The following RPS6KA2 variants were observed in gnomAD, a reference collection of about 807,000 sequenced individuals.
RPS6KA2 encodes the protein ribosomal protein S6 kinase alpha-2.
RPS6KA2 carries 42 observed loss-of-function variants against 91.8 expected under a neutral mutation model. The ratio of observed to expected loss-of-function variants is 0.46; its 90% CI spans 0.36 to 0.59. The LOEUF (loss-of-function observed/expected upper bound fraction) is 0.59. Among genes scored for constraint, RPS6KA2 ranks in the 20% least tolerant of loss-of-function variants. The pLI is 0.00. For missense variants in RPS6KA2, 798 were observed against 978.5 expected (o/e 0.82, Z 2.46); for synonymous variants, 414 against 393.6 (o/e 1.05, Z -0.61).
chr6:166,608,798 T>C (rs1786048574), intron 1 of RPS6KA2, among the ~76,000 whole-genome samples: 1 of 152,224 alleles, frequency 6.6e-6, no homozygotes, highest in African/African-American at 2.4e-5. Flanking sequence ...AGATATTCTT[T>C]AGATGTTTGT....
At chr6:166,469,048 A>G (rs1455779338) in intron 11 of RPS6KA2, among the ~76,000 whole-genome samples, 1 of 152,218 alleles carries the variant, frequency 6.6e-6, no homozygotes, top group Non-Finnish European at 1.5e-5. Context: ...AGCAACTGAT[A>G]GGAAAGGAGG....
Position 166,767,214 on chromosome 6 carries a change from C to T in RPS6KA2, c.123+90986G>A, listed in dbSNP as rs916221079. Among the ~76,000 whole-genome samples the T allele has an allele frequency of 6.6e-6, 1 of 152,162 alleles. No individual in the cohort carries two copies. The highest frequency in any genetic ancestry group is 1.5e-5 in the Non-Finnish European group (1 of 68,034). ...CTAGACTCTGCCCAGTTTTTAATGTCGCCTATCACCTCCCCATGAGCAACG... is the reference window on the plus strand; with the variant it reads ...CTAGACTCTGCCCAGTTTTTAATGTTGCCTATCACCTCCCCATGAGCAACG... On this transcript the variant is annotated intron_variant, in intron 2 of 21. Transcript: ENST00000503859. The surrounding 1 kb of genome is among the most constrained non-coding windows in gnomAD (Gnocchi z 4.6).
At chr6:166,796,714 C>G (rs1370523366) in intron 2 of RPS6KA2, among the ~76,000 whole-genome samples, 1 of 152,266 alleles carries the variant, frequency 6.6e-6, no homozygotes, top group Admixed American at 6.5e-5. Flanking sequence ...TCAAACCACT[C>G]CTTTCAGTTG....
chr6:166,821,560 C>T lies in RPS6KA2; in HGVS notation c.123+36640G>A, dbSNP rs1007182574. Among the ~76,000 whole-genome samples, 27 of 151,998 alleles carry T rather than the reference C, an allele frequency of 1.8e-4. No individual in the cohort carries two copies. Among genetic ancestry groups the T allele is most frequent in the African/African-American group, 6.5e-4 (27 of 41,360 alleles). ...TCCATGTGCATCCTCCGTGTGGGTG[C>T]GGTGGGCCATCCCTCCTCCCACCGT... On this transcript the variant is annotated intron_variant, in intron 2 of 21. Transcript: ENST00000503859. This position sits in a 1 kb window ranked among gnomAD's most constrained non-coding sequence, Gnocchi z 4.1.
intron 2 of RPS6KA2, among the ~76,000 whole-genome samples, chr6:166,740,557 TC>T (rs1790784860): frequency 6.6e-6 from 1 of 152,240 alleles, no homozygotes; most frequent in East Asian, 1.9e-4. Context: ...GGGAATAGCT[TC>T]TTTAAAAAAT....
chr6:166,718,390 C>T (rs970213037), intron 2 of RPS6KA2, among the ~76,000 whole-genome samples: 2 of 152,094 alleles, frequency 1.3e-5, no homozygotes, highest in Non-Finnish European at 2.9e-5. Flanking sequence ...TTCCAAGGCA[C>T]CCCTAAACTA....
chr6:166,760,107 G>A (rs1284182215), intron 2 of RPS6KA2, among the ~76,000 whole-genome samples: 4 of 152,160 alleles, frequency 2.6e-5, no homozygotes, highest in Non-Finnish European at 5.9e-5. Context: ...GAATAAAAAC[G>A]GAAGGTTTCT....
intron 2 of RPS6KA2, among the ~76,000 whole-genome samples, chr6:166,839,680 CAGGAGAGGAGAGGGGAGGAG>C (rs1780409947): frequency 5.7e-3 from 4 of 698 alleles, no homozygotes; most frequent in African/African-American, 0.014. Flanking sequence ...GAAATCAGAG[CAGGAGAGGAGAGGGGAGGAG>C]AGGAGAGGAG....
intron 1 of RPS6KA2, among the ~76,000 whole-genome samples, chr6:166,540,447 TG>T (rs894243713): frequency 1.5e-4 from 9 of 58,968 alleles, no homozygotes; most frequent in African/African-American, 6.6e-4. Flanking sequence ...GTAAAAACAG[TG>T]GTTTTTTTTT....
intron 2 of RPS6KA2, among the ~76,000 whole-genome samples, chr6:166,690,887 T>C (rs1789189508): frequency 6.6e-6 from 1 of 152,166 alleles, no homozygotes; most frequent in South Asian, 2.1e-4. Context: ...GACAGGTGTT[T>C]ACAGGGCTTA....
intron 1 of RPS6KA2, among the ~76,000 whole-genome samples, chr6:166,556,200 G>C (rs890747135): frequency 2.0e-5 from 3 of 152,176 alleles, no homozygotes; most frequent in Non-Finnish European, 2.9e-5. Flanking sequence ...GCTCTCTCCT[G>C]TGCAAGAGTC....
At position 166,490,178 on chromosome 6, in the gene RPS6KA2, C is replaced by A. The variant is rs1458730138; in HGVS notation, c.818+493G>T. ...GTCACATGGTAAAACGATACCGAGT[C>A]CTGCCAAGGTCAACCAGGAGTGCTA... On this transcript the variant is annotated intron_variant, in intron 9 of 20. Transcript: ENST00000265678. The surrounding 1 kb of genome is among the most constrained non-coding windows in gnomAD (Gnocchi z 4.2). 1.3e-5 allele frequency among the ~76,000 whole-genome samples: 2 copies of A among 152,126 alleles called. No individual in the cohort carries two copies. The highest frequency in any genetic ancestry group is 1.3e-4 in the Admixed American group (2 of 15,284).
intron 11 of RPS6KA2, chr6:166,465,279 T>C (rs1780475902): frequency 6.6e-6 from 1 of 152,222 alleles, no homozygotes; most frequent in Non-Finnish European, 1.5e-5. Flanking sequence ...AATGGGCACA[T>C]CTGGACAAAT....
chr6:166,557,389 G>A lies in RPS6KA2; in HGVS notation c.100-18605C>T, dbSNP rs73257223. 1.3e-5 allele frequency among the ~76,000 whole-genome samples: 2 copies of A among 152,158 alleles called. No individual in the cohort carries two copies. The highest frequency in any genetic ancestry group is 4.8e-5 in the African/African-American group (2 of 41,422). On this transcript the variant is annotated intron_variant, in intron 1 of 20. Coordinates refer to ENST00000265678, the MANE Select transcript of RPS6KA2 (RefSeq NM_021135.6). This position sits in a 1 kb window ranked among gnomAD's most constrained non-coding sequence, Gnocchi z 4.8. ...ACAGACTCAATGGTCAGGTGGCCGGGGTCACTCTGAAAATGAACTGTTCTC... is the reference window on the plus strand; with the variant it reads ...ACAGACTCAATGGTCAGGTGGCCGGAGTCACTCTGAAAATGAACTGTTCTC...
chr6:166,670,474 A>AT (rs1349261682), intron 2 of RPS6KA2, among the ~76,000 whole-genome samples: 1 of 152,188 alleles, frequency 6.6e-6, no homozygotes. Flanking sequence ...TTTGGGGGTA[A>AT]TTTGTTATGT....
At chr6:166,745,123 T>C (rs372005732) in intron 2 of RPS6KA2, among the ~76,000 whole-genome samples, 48 of 151,294 alleles carry the variant, frequency 3.2e-4, no homozygotes, top group African/African-American at 1.2e-3. Flanking sequence ...GCCCTTTCTC[T>C]GTGTGTGTCT....
intron 1 of RPS6KA2, among the ~76,000 whole-genome samples, chr6:166,574,440 T>C (rs1033748191): frequency 6.6e-6 from 1 of 152,256 alleles, no homozygotes; most frequent in Non-Finnish European, 1.5e-5. Flanking sequence ...ATTAATTTGC[T>C]TGGGATAATG....
chr6:166,757,907 G>A (rs899659320), intron 2 of RPS6KA2: 15 of 229,506 alleles, frequency 6.5e-5, no homozygotes, highest in South Asian at 5.1e-4. Flanking sequence ...ATGAGAATGC[G>A]AAGTTACTCA....
intron 1 of RPS6KA2, among the ~76,000 whole-genome samples, chr6:166,608,627 AC>A (rs1786042165): frequency 6.6e-6 from 1 of 152,188 alleles, no homozygotes; most frequent in Admixed American, 6.5e-5. Context: ...GTCCCTGGGT[AC>A]CACTCAGATG....
Sources: allele counts gnomAD v4.1 joint callset (sites outside exome capture counted in the v4.1 genomes callset), GRCh38; gene constraint gnomAD v4.1.1; non-coding constraint Gnocchi (gnomAD v3.1); transcripts MANE v1.5; gene names NCBI Gene and HGNC (gene_info 2026-07-23, HGNC 2026-07-21).